RPS6KA2: variants seen among roughly 807,000 people sequenced by gnomAD.
The protein encoded by RPS6KA2 is ribosomal protein S6 kinase alpha-2.
In RPS6KA2, 42 loss-of-function variants were observed where a neutral mutation model predicts 91.8. The ratio of observed to expected loss-of-function variants is 0.46; its 90% CI spans 0.36 to 0.59. The LOEUF is 0.59. Among genes scored for constraint, RPS6KA2 ranks in the 20% least tolerant of loss-of-function variants. The probability of loss-of-function intolerance (pLI) is 0.00; values close to 1 mark genes in which losing one functional copy is unlikely to be tolerated. For synonymous variants in RPS6KA2, 414 were observed against 393.6 expected, an observed-to-expected ratio of 1.05 and a Z score of -0.61; for missense variants, 798 against 978.5, an observed-to-expected ratio of 0.82 and a Z score of 2.46.
rs1004523999 is a variant in RPS6KA2 at position 166,435,048 on chromosome 6, T to C, written c.1333-2558A>G. ...TTAAAAATTTTGAACCACAAGAATATATTGTCTATTCAAAATATGAAATAA... is the reference window on the plus strand; with the variant it reads ...TTAAAAATTTTGAACCACAAGAATACATTGTCTATTCAAAATATGAAATAA... On this transcript the variant is annotated intron_variant, in intron 14 of 20. Coordinates refer to ENST00000265678, the MANE Select transcript of RPS6KA2 (RefSeq NM_021135.6). This position sits in a 1 kb window ranked among gnomAD's most constrained non-coding sequence, Gnocchi z 4.3. Among the ~76,000 whole-genome samples the C allele has an allele frequency of 2.0e-5, 3 of 152,184 alleles. No individual in the cohort carries two copies. Among genetic ancestry groups the C allele is most frequent in the African/African-American group, 7.2e-5 (3 of 41,452 alleles).
intron 2 of RPS6KA2, among the ~76,000 whole-genome samples, chr6:166,742,327 C>A (rs560621018): frequency 3.3e-5 from 5 of 152,278 alleles, no homozygotes; most frequent in African/African-American, 9.6e-5. Context: ...ATGTTGAATT[C>A]TCTGATTTCT....
At chr6:166,833,187 G>C (rs977704292) in intron 2 of RPS6KA2, among the ~76,000 whole-genome samples, 1 of 152,206 alleles carries the variant, frequency 6.6e-6, no homozygotes, top group East Asian at 1.9e-4. Context: ...AAAGGCCAAA[G>C]TGGTGAAATA....
intron 2 of RPS6KA2, among the ~76,000 whole-genome samples, chr6:166,831,754 C>T (rs1220578271): frequency 6.7e-6 from 1 of 148,858 alleles, no homozygotes; most frequent in Non-Finnish European, 1.5e-5. Flanking sequence ...TACATACACA[C>T]AATAACAGAA....
chr6:166,491,784 C>A (rs550885198), intron 8 of RPS6KA2, among the ~76,000 whole-genome samples: 35 of 152,252 alleles, frequency 2.3e-4, no homozygotes, highest in African/African-American at 7.9e-4. Flanking sequence ...CCAAAGATAT[C>A]CAAACTTAAC....
intron 1 of RPS6KA2, among the ~76,000 whole-genome samples, chr6:166,574,635 T>C (rs1164018744): frequency 6.6e-6 from 1 of 152,228 alleles, no homozygotes; most frequent in African/African-American, 2.4e-5. Flanking sequence ...TGCATGTGTC[T>C]TTTTGGTAGA....
At chr6:166,568,493 T>C (rs1784573596) in intron 1 of RPS6KA2, among the ~76,000 whole-genome samples, 1 of 152,032 alleles carries the variant, frequency 6.6e-6, no homozygotes, top group Non-Finnish European at 1.5e-5. Context: ...GGCAGGCACC[T>C]GTAGTCCCAG....
upstream of RPS6KA2, chr6:166,627,671 G>A (rs1786946401): frequency 6.6e-6 from 1 of 152,240 alleles, no homozygotes; most frequent in Admixed American, 6.5e-5. Flanking sequence ...TCCCGGCCCG[G>A]GCGAGTTGTG....
chr6:166,551,174 G>T (rs141725551), intron 1 of RPS6KA2, among the ~76,000 whole-genome samples: 1 of 151,750 alleles, frequency 6.6e-6, no homozygotes, highest in African/African-American at 2.4e-5. Context: ...CAAAACCAGC[G>T]ACCATCTCTT....
At chr6:166,436,330 A>C (rs1779304218) in intron 14 of RPS6KA2, among the ~76,000 whole-genome samples, 1 of 152,076 alleles carries the variant, frequency 6.6e-6, no homozygotes, top group Admixed American at 6.5e-5. Flanking sequence ...AAAAAAAAAA[A>C]AAAACCTCAG....
intron 2 of RPS6KA2, among the ~76,000 whole-genome samples, chr6:166,698,416 G>C (rs1390127237): frequency 1.3e-5 from 2 of 152,202 alleles, no homozygotes; most frequent in Non-Finnish European, 2.9e-5. Context: ...GAGGTCAATG[G>C]AGAAGGTTGA....
chr6:166,499,473 C>T (rs772294536), intron 7 of RPS6KA2, among the ~76,000 whole-genome samples: 22 of 152,168 alleles, frequency 1.4e-4, no homozygotes, highest in Non-Finnish European at 2.6e-4. Context: ...CCCCACGTGT[C>T]GTGGGAGGGA....
intron 2 of RPS6KA2, among the ~76,000 whole-genome samples, chr6:166,853,014 A>T (rs1780786258): frequency 6.6e-6 from 1 of 152,256 alleles, no homozygotes; most frequent in African/African-American, 2.4e-5. Flanking sequence ...CCCCGTAGCC[A>T]CAAGGAAATG....
intron 2 of RPS6KA2, among the ~76,000 whole-genome samples, chr6:166,696,785 C>T (rs1789371846): frequency 6.6e-6 from 1 of 152,164 alleles, no homozygotes; most frequent in South Asian, 2.1e-4. Context: ...TGAGAGGGAC[C>T]CCTTCCCGCC....
rs566464228 is a variant in RPS6KA2 at position 166,821,397 on chromosome 6, G to C, written c.123+36803C>G. Reference sequence around the variant, plus strand: ...CCTGTGGGTGCGCTTCACATGCGTGGGGCTGTAGGATGGAGGGGTGGAGAG... The same window carrying C: ...CCTGTGGGTGCGCTTCACATGCGTGCGGCTGTAGGATGGAGGGGTGGAGAG... On this transcript the variant is annotated intron_variant, in intron 2 of 21. Transcript: ENST00000503859. The surrounding 1 kb of genome is among the most constrained non-coding windows in gnomAD (Gnocchi z 4.1). 6.6e-6 allele frequency among the ~76,000 whole-genome samples: 1 copy of C among 152,180 alleles called. No individual in the cohort carries two copies. Among genetic ancestry groups the C allele is most frequent in the South Asian group, 2.1e-4 (1 of 4,810 alleles).
rs764001032 is a variant in RPS6KA2, at chr6:166,459,495, C to T, written c.1029G>A (p.Glu343=). The T allele has an allele frequency of 1.2e-6, 2 of 1,614,132 alleles. No homozygotes were observed. Among genetic ancestry groups the T allele is most frequent in the East Asian group, 2.2e-5 (1 of 44,882 alleles). Residue 343 remains glutamate (E), a synonymous_variant, in exon 12 of 21, where the codon GAG becomes GAA. Transcript: ENST00000265678. This position sits in a 1 kb window ranked among gnomAD's most constrained non-coding sequence, Gnocchi z 4.9. ...ACTCGGGGTCAAAGTGGAAGGTGTC[C>T]TCAGGCCTGCCCACTGCTGGTTTGA... ...PPFKPAVGRP[E]DTFHFDPEFT...
At chr6:166,747,104 C>G (rs1308429663) in intron 2 of RPS6KA2, among the ~76,000 whole-genome samples, 1 of 152,172 alleles carries the variant, frequency 6.6e-6, no homozygotes, top group Non-Finnish European at 1.5e-5. Flanking sequence ...CGGGCTTTAT[C>G]AAATCATTGG....
At chr6:166,488,782 C>A in intron 10 of RPS6KA2, 51 bp downstream of exon 10, 1 of 1,436,662 alleles carries the variant, frequency 7.0e-7, no homozygotes, top group Non-Finnish European at 9.7e-7. Context: ...CTGTAGCTTG[C>A]GGGGCAGCGC....
intron 2 of RPS6KA2, among the ~76,000 whole-genome samples, chr6:166,716,954 C>A (rs908273472): frequency 6.6e-6 from 1 of 152,222 alleles, no homozygotes; most frequent in African/African-American, 2.4e-5. Flanking sequence ...ACGTACAGAA[C>A]TCACACAAAT....
At chr6:166,668,090 A>G (rs958662108) in intron 2 of RPS6KA2, among the ~76,000 whole-genome samples, 18 of 152,198 alleles carry the variant, frequency 1.2e-4, no homozygotes, top group African/African-American at 4.3e-4. Flanking sequence ...GGAAAGGACA[A>G]TGCCAGGTTC....
Sources: gnomAD v4.1 joint callset for allele counts (sites outside exome capture counted in the v4.1 genomes callset) on GRCh38, gnomAD v4.1.1 for gene constraint, Gnocchi (gnomAD v3.1) non-coding constraint, MANE v1.5 for transcripts, NCBI Gene and HGNC (gene_info 2026-07-23, HGNC 2026-07-21) for gene names.